The following CHML variants were observed in gnomAD, a reference collection of about 807,000 sequenced individuals.
The protein encoded by CHML is CHM like Rab escort protein.
In CHML, 20 loss-of-function variants were observed where a neutral mutation model predicts 30.4. That is an observed-to-expected ratio of 0.66 (90% CI 0.46 to 0.95). The LOEUF is 0.95. Ranked by LOEUF, CHML falls within the 40% of genes least tolerant of loss-of-function variation. The pLI is 0.00. For missense variants in CHML, 795 were observed against 768.5 expected (o/e 1.03, Z -0.41); for synonymous variants, 281 against 275.0 (o/e 1.02, Z -0.22).
chr1:241,629,641 C>T lies in CHML; in HGVS notation c.*4155G>A, dbSNP rs1446017941. 6.6e-6 allele frequency: 1 copy of T among 152,026 alleles called. No individual in the cohort carries two copies. Among genetic ancestry groups the T allele is most frequent in the Non-Finnish European group, 1.5e-5 (1 of 67,938 alleles). The allele number at this position is 152,026 out of a possible 1,614,324, so 9.4% of individuals were successfully genotyped here. A position where few individuals can be genotyped will look rare whatever the true frequency, so the allele number is the denominator to read the frequency against. The stretch of plus-strand genomic sequence containing the variant: ...TTTTTCTCTTAGTTGATCTACCTTG[C>T]CAATTGCCATGAAGTTCCTTTATAC... On this transcript the variant is annotated 3_prime_UTR_variant, in exon 2 of 2. Transcript: ENST00000366553.
At position 241,634,298 on chromosome 1, in the gene CHML, C is replaced by G. The variant is rs139853468; in HGVS notation, c.1469G>C (p.Arg490Pro). The G allele has an allele frequency of 6.2e-7, 1 of 1,613,864 alleles. No homozygotes were observed. The change falls in exon 2 of 2, where the codon CGG becomes CCG. Residue 490 changes from arginine (R) to proline (P), a missense_variant. Arg to Pro is a moderately radical substitution (Grantham distance 103). Transcript: ENST00000366553. ...PPAEPGACAV[R>P]VTELCSSTMT... is the part of the protein sequence containing the mutation. ...GGTTGAAGAACATAATTCTGTGACC[C>G]GTACAGCACAAGCTCCTGGCTCTGC... is the stretch of plus-strand genomic sequence containing the variant.
Position 241,640,267 on chromosome 1 carries a change from G to A in CHML, c.-693C>T. On this transcript the variant is annotated 5_prime_UTR_variant, in exon 1 of 2. Transcript: ENST00000366553. ...TCCCCGAGTACATGGCCCGGCGCCG[G>A]CGCGCCTGGCGGGCGGAGGCGCTCA... The A allele has an allele frequency of 5.1e-6, 6 of 1,187,128 alleles. No individual in the cohort carries two copies. Among genetic ancestry groups the A allele is most frequent in the Non-Finnish European group, 6.2e-6 (6 of 961,340 alleles). 73.5% of individuals were successfully genotyped at this position (1,187,128 alleles called of 1,614,324 possible). A position where few individuals can be genotyped will look rare whatever the true frequency, so the allele number is the denominator to read the frequency against.
At chr1:241,638,546 C>A (rs1664990876) in intron 1 of CHML, among the ~76,000 whole-genome samples, 1 of 152,124 alleles carries the variant, frequency 6.6e-6, no homozygotes, top group Non-Finnish European at 1.5e-5. Context: ...CTTAGCATTG[C>A]CGAAGAAACT....
At position 241,633,069 on chromosome 1, in the gene CHML, C is replaced by T. The variant is rs1664709279; in HGVS notation, c.*727G>A. 1 of 152,026 alleles carries T rather than the reference C, an allele frequency of 6.6e-6. No homozygotes were observed. Among genetic ancestry groups the T allele is most frequent in the African/African-American group, 2.4e-5 (1 of 41,406 alleles). The allele number at this position is 152,026 out of a possible 1,614,324, so 9.4% of individuals were successfully genotyped here. A position where few individuals can be genotyped will look rare whatever the true frequency, so the allele number is the denominator to read the frequency against. On this transcript the variant is annotated 3_prime_UTR_variant, in exon 2 of 2. Transcript: ENST00000366553. The stretch of plus-strand genomic sequence containing the variant: ...GAATAAATCTTATCTTTCAAATTTC[C>T]TTTGCAATCAACCTCCCCAAAATGA...
intron 1 of CHML, among the ~76,000 whole-genome samples, chr1:241,637,881 C>G (rs1215901889): frequency 6.6e-6 from 1 of 152,200 alleles, no homozygotes; most frequent in Non-Finnish European, 1.5e-5. Context: ...GCCTCTGCAT[C>G]AAGAAGCTAC....
In CHML at chr1:241,633,157, T is replaced by G. The variant is rs887187485; in HGVS notation, c.*639A>C. ...AAATTAGAATACTGTGGTGGCATCA[T>G]TGCCTCATCAGTTACAAGGGTCAAG... On this transcript the variant is annotated 3_prime_UTR_variant, in exon 2 of 2. Transcript: ENST00000366553. 2 of 152,224 alleles carry G rather than the reference T, an allele frequency of 1.3e-5. No individual in the cohort carries two copies. Among genetic ancestry groups the G allele is most frequent in the Non-Finnish European group, 2.9e-5 (2 of 68,046 alleles). 9.4% of individuals were successfully genotyped at this position (152,224 alleles called of 1,614,324 possible). A position where few individuals can be genotyped will look rare whatever the true frequency, so the allele number is the denominator to read the frequency against.
Position 241,633,875 on chromosome 1 carries a change from T to C in CHML, c.1892A>G (p.Asn631Ser). 6.2e-7 allele frequency: 1 copy of C among 1,613,896 alleles called. No individual in the cohort carries two copies. The change falls in exon 2 of 2, where the codon AAT (asparagine) becomes AGT (serine). Residue 631 changes from asparagine to serine, a missense_variant. By Grantham distance (46) the Asn-to-Ser change is conservative. Coordinates refer to ENST00000366553, the MANE Select transcript of CHML (RefSeq NM_001381853.1). ...DDKQPEAPGT[N>S]NVVMAKLESS... ...TTCTAGTTTGGCCATTACTACATTA[T>C]TGGTTCCAGGAGCCTCTGGCTGCTT...
At position 241,633,547 on chromosome 1, in the gene CHML, G is replaced by A; in HGVS notation, c.*249C>T. On this transcript the variant is annotated 3_prime_UTR_variant, in exon 2 of 2. Coordinates refer to ENST00000366553, the MANE Select transcript of CHML (RefSeq NM_001381853.1). ...CATATATACCCAATACTAAAATAAA[G>A]CTAACTCTGTTTTAAGATTCTGGGT... 1 of 486,458 alleles carries A rather than the reference G, an allele frequency of 2.1e-6. No homozygotes were observed. The highest frequency in any genetic ancestry group is 2.5e-5 in the South Asian group (1 of 40,426). 30.1% of individuals were successfully genotyped at this position (486,458 alleles called of 1,614,324 possible). A position where few individuals can be genotyped will look rare whatever the true frequency, so the allele number is the denominator to read the frequency against.
Position 241,640,266 on chromosome 1 carries a change from G to C in CHML, c.-692C>G. The C allele has an allele frequency of 8.4e-7, 1 of 1,187,106 alleles. No homozygotes were observed. Among genetic ancestry groups the C allele is most frequent in the Non-Finnish European group, 1.0e-6 (1 of 961,378 alleles). The allele number at this position is 1,187,106 out of a possible 1,614,324, so 73.5% of individuals were successfully genotyped here. ...TTCCCCGAGTACATGGCCCGGCGCC[G>C]GCGCGCCTGGCGGGCGGAGGCGCTC... On this transcript the variant is annotated 5_prime_UTR_variant, in exon 1 of 2. Coordinates refer to ENST00000366553, the MANE Select transcript of CHML (RefSeq NM_001381853.1).
chr1:241,637,150 C>G (rs1462242223), intron 1 of CHML, among the ~76,000 whole-genome samples: 1 of 152,144 alleles, frequency 6.6e-6, no homozygotes, highest in Non-Finnish European at 1.5e-5. Context: ...CATCATTGCA[C>G]AGTTTTGAGC....
intron 1 of CHML, 149 bp downstream of exon 1, chr1:241,639,733 A>G (rs1400847315): frequency 4.0e-6 from 3 of 743,170 alleles, no homozygotes; most frequent in Non-Finnish European, 5.6e-6. Flanking sequence ...TGAGGAGGCG[A>G]GCGGGGAGCG....
chr1:241,631,361 G>C lies in CHML; in HGVS notation c.*2435C>G, dbSNP rs891598902. 1.3e-5 allele frequency: 2 copies of C among 151,330 alleles called. No homozygotes were observed. The highest frequency in any genetic ancestry group is 4.9e-5 in the African/African-American group (2 of 41,158). The allele number at this position is 151,330 out of a possible 1,614,324, so 9.4% of individuals were successfully genotyped here. ...AATCTGTGATACTGAAAATCTTTTC[G>C]GTAGATCTGGAATACCTTCACCTTC... On this transcript the variant is annotated 3_prime_UTR_variant, in exon 2 of 2. Transcript: ENST00000366553.
chr1:241,640,330 G>C lies in CHML; in HGVS notation c.-756C>G. On this transcript the variant is annotated 5_prime_UTR_variant, in exon 1 of 2. Coordinates refer to ENST00000366553, the MANE Select transcript of CHML (RefSeq NM_001381853.1). ...GCTCGCGGCGCGCTCCGCACTGGGT[G>C]GGGTTGGGGCTCCGCCGCCTGCTCT... 5 of 1,084,190 alleles carry C rather than the reference G, an allele frequency of 4.6e-6. No homozygotes were observed. Among genetic ancestry groups the C allele is most frequent in the Non-Finnish European group, 5.6e-6 (5 of 896,874 alleles). 67.2% of individuals were successfully genotyped at this position (1,084,190 alleles called of 1,614,324 possible).
Position 241,634,534 on chromosome 1 carries a change from G to T in CHML, c.1233C>A (p.Val411=), listed in dbSNP as rs368941629. 8 of 1,613,606 alleles carry T rather than the reference G, an allele frequency of 5.0e-6. No individual in the cohort carries two copies. The highest frequency in any genetic ancestry group is 6.8e-6 in the Non-Finnish European group (8 of 1,179,866). The change falls in exon 2 of 2, where the codon GTC becomes GTA. Residue 411 remains valine (V), a synonymous_variant. Transcript: ENST00000366553. ...CTTTACATCGTCCAGATTCTTTGTCGACTACAAAGCATTGTACTTTATGAC... is the reference window on the plus strand; with the variant it reads ...CTTTACATCGTCCAGATTCTTTGTCTACTACAAAGCATTGTACTTTATGAC... ...CLRHKVQCFV[V]DKESGRCKAI...
Position 241,635,965 on chromosome 1 carries a change from T to C in CHML, c.-199A>G, listed in dbSNP as rs1210630940. The C allele has an allele frequency of 7.0e-6, 4 of 571,670 alleles. No homozygotes were observed. In the East Asian group the frequency reaches 1.2e-4, roughly 17 times the overall value. The allele number at this position is 571,670 out of a possible 1,614,324, so 35.4% of individuals were successfully genotyped here. A position where few individuals can be genotyped will look rare whatever the true frequency, so the allele number is the denominator to read the frequency against. ...GCATAAAAACATGAGCAAGTACATC[T>C]AATCACATCTGAGAATACTAAAATG... is the stretch of plus-strand genomic sequence containing the variant. On this transcript the variant is annotated 5_prime_UTR_variant, in exon 2 of 2. The change abolishes the stop of an existing upstream ORF in the 5' untranslated region. Coordinates refer to ENST00000366553, the MANE Select transcript of CHML (RefSeq NM_001381853.1).
chr1:241,636,382 A>G (rs1197122161), intron 1 of CHML, among the ~76,000 whole-genome samples: 1 of 152,232 alleles, frequency 6.6e-6, no homozygotes, highest in Non-Finnish European at 1.5e-5. Context: ...ATGTGAATAA[A>G]TCTATACACA....
rs1180344891 is a variant in CHML, at chr1:241,635,045, T to C, written c.722A>G (p.Gln241Arg). 1 of 1,613,298 alleles carries C rather than the reference T, an allele frequency of 6.2e-7. No homozygotes were observed. The highest frequency in any genetic ancestry group is 1.7e-5 in the Admixed American group (1 of 59,968). The change falls in exon 2 of 2, where the codon CAA becomes CGA. Residue 241 changes from glutamine (Q) to arginine (R), a missense_variant. Transcript: ENST00000366553. The part of the protein sequence containing the change: ...IDLVSKLLYS[Q>R]GLLIDLLIKS... ...GATTAAAAGATCAATTAGCAATCCT[T>C]GAGAATACAGCAGTTTTGACACCAA...
chr1:241,634,168 A>G lies in CHML; in HGVS notation c.1599T>C (p.Tyr533=), dbSNP rs1211472296. 5 of 1,613,966 alleles carry G rather than the reference A, an allele frequency of 3.1e-6. No homozygotes were observed. Among genetic ancestry groups the G allele is most frequent in the Non-Finnish European group, 4.2e-6 (5 of 1,179,886 alleles). ...CTTCCTCGTTTATTTCTGTTTCAGTATACGGAGTGAATAATTTCTTCACCA... is the reference window on the plus strand; with the variant it reads ...CTTCCTCGTTTATTTCTGTTTCAGTGTACGGAGTGAATAATTTCTTCACCA... ...ESVVKKLFTP[Y]TETEINEEEL... The change falls in exon 2 of 2, where the codon TAT becomes TAC. Residue 533 remains tyrosine (Y), a synonymous_variant. Transcript: ENST00000366553.
Position 241,635,478 on chromosome 1 carries a change from G to A in CHML, c.289C>T (p.Gln97Ter). The A allele has an allele frequency of 6.2e-7, 1 of 1,613,832 alleles. No individual in the cohort carries two copies. Among genetic ancestry groups the A allele is most frequent in the East Asian group, 2.2e-5 (1 of 44,890 alleles). The change falls in exon 2 of 2, where the codon CAA becomes TAA. Residue 97 changes from glutamine (Q) to a stop codon, truncating the protein, a stop_gained. Transcript: ENST00000366553. LOFTEE classifies it high-confidence loss of function. ...ITLRKKDETI[Q>*]HTEAFCYASQ... ...GCGTAGCAAAAAGCTTCTGTGTGTT[G>A]AATAGTTTCATCCTTCTTGCGAAGA...
Sources: allele counts gnomAD v4.1 joint callset (sites outside exome capture counted in the v4.1 genomes callset), GRCh38; gene constraint gnomAD v4.1.1; transcripts MANE v1.5; gene names NCBI Gene and HGNC (gene_info 2026-07-23, HGNC 2026-07-21).